The following MALRD1 variants were observed in gnomAD, a reference collection of about 807,000 sequenced individuals.
MALRD1 encodes MAM and LDL-receptor class A domain-containing protein 1.
A neutral mutation model predicts 242.1 loss-of-function variants in MALRD1; 247 were observed. The ratio of observed to expected loss-of-function variants is 1.02; its 90% confidence interval spans 0.92 to 1.13. The LOEUF (loss-of-function observed/expected upper bound fraction) is 1.13. MALRD1 is among the 50% of genes most tolerant of loss of function. MALRD1 has a pLI of 0.00. For synonymous variants in MALRD1, 995 were observed against 866.6 expected, an observed-to-expected ratio of 1.15 and a Z score of -2.60; for missense variants, 2,989 against 2,533.1, an observed-to-expected ratio of 1.18 and a Z score of -3.86.
intron 24 of MALRD1, among the ~76,000 whole-genome samples, chr10:19,339,397 A>G (rs1843741918): frequency 6.6e-6 from 1 of 152,136 alleles, no homozygotes; most frequent in Non-Finnish European, 1.5e-5. Flanking sequence ...CACGTTTTCA[A>G]CATTTTGCCC....
At position 19,162,813 on chromosome 10, in the gene MALRD1, T is replaced by C. The variant is rs564775754; in HGVS notation, c.1657-2824T>C. ...TCCACCCAGCAATCCCATTACTTGG[T>C]ACATATACCCACAGTACTAGAAATT... On this transcript the variant is annotated intron_variant, in intron 12 of 39. Transcript: ENST00000454679. Among the ~76,000 whole-genome samples the C allele has an allele frequency of 3.3e-4, 50 of 152,096 alleles. 1 individual carries two copies. The South Asian group carries it at 8.1e-3, about 25-fold the overall frequency.
rs546866806 is a variant in MALRD1, at chr10:19,314,234, C to T, written c.3420-9715C>T. On this transcript the variant is annotated intron_variant, in intron 21 of 39. Coordinates refer to ENST00000454679, the MANE Select transcript of MALRD1 (RefSeq NM_001142308.3). Reference sequence around the variant, plus strand: ...AGCTATGTAGTCAATGAATTGATATCTATAATGTTGAATGCATTGAAAAAA... The same window carrying T: ...AGCTATGTAGTCAATGAATTGATATTTATAATGTTGAATGCATTGAAAAAA... 1.2e-4 allele frequency among the ~76,000 whole-genome samples: 18 copies of T among 151,578 alleles called. No individual in the cohort carries two copies. In the South Asian group the frequency reaches 3.3e-3, roughly 28 times the overall value.
intron 12 of MALRD1, 127 bp downstream of exon 12, chr10:19,155,299 G>A (rs1020202381): frequency 4.6e-6 from 2 of 435,504 alleles, no homozygotes; most frequent in Admixed American, 4.4e-5. Context: ...AGATTTACAT[G>A]CGCTATTTCA....
chr10:19,530,335 A>AT (rs1564416811), intron 31 of MALRD1, among the ~76,000 whole-genome samples: 1 of 97,918 alleles, frequency 1.0e-5, no homozygotes, highest in African/African-American at 3.3e-5. Context: ...ATAAATATAT[A>AT]ATATTTATAT....
intron 1 of MALRD1, among the ~76,000 whole-genome samples, chr10:19,065,169 C>G (rs1275173092): frequency 6.6e-6 from 1 of 151,222 alleles, no homozygotes; most frequent in Non-Finnish European, 1.5e-5. Context: ...TGCCTGTAAT[C>G]CCAGCTACTT....
intron 26 of MALRD1, among the ~76,000 whole-genome samples, chr10:19,370,006 A>G (rs758983378): frequency 1.3e-5 from 2 of 152,112 alleles, no homozygotes; most frequent in African/African-American, 2.4e-5. Flanking sequence ...GAGATATTCT[A>G]CTATATTTTC....
At chr10:19,568,866 G>T (rs2131466264) in intron 33 of MALRD1, among the ~76,000 whole-genome samples, 1 of 152,074 alleles carries the variant, frequency 6.6e-6, no homozygotes, top group Admixed American at 6.5e-5. Context: ...AATTTGAATA[G>T]TATGTGCCAG....
chr10:19,055,856 G>C (rs924058034), intron 1 of MALRD1, among the ~76,000 whole-genome samples: 8 of 152,174 alleles, frequency 5.3e-5, no homozygotes, highest in Non-Finnish European at 1.2e-4. Context: ...GAAGGGAAGA[G>C]GGAGGTGGGT....
At chr10:19,082,659 A>G (rs1835531009) in intron 2 of MALRD1, among the ~76,000 whole-genome samples, 2 of 33,344 alleles carry the variant, frequency 6.0e-5, no homozygotes, top group Admixed American at 7.2e-4. Flanking sequence ...TCTCACTTTA[A>G]AAAAAAACCT....
intron 23 of MALRD1, among the ~76,000 whole-genome samples, chr10:19,328,424 T>G (rs1163317335): frequency 6.6e-6 from 1 of 152,132 alleles, no homozygotes; most frequent in Non-Finnish European, 1.5e-5. Flanking sequence ...TTCTTCTTAG[T>G]CTTAACTGCC....
intron 31 of MALRD1, among the ~76,000 whole-genome samples, chr10:19,502,490 A>G (rs1424830940): frequency 2.0e-5 from 3 of 152,134 alleles, no homozygotes; most frequent in South Asian, 2.1e-4. Context: ...CTTTTTGAAA[A>G]TATCAAAATT....
intron 11 of MALRD1, among the ~76,000 whole-genome samples, chr10:19,148,163 C>A (rs1350821383): frequency 1.3e-5 from 2 of 151,652 alleles, no homozygotes; most frequent in African/African-American, 4.8e-5. Flanking sequence ...CATGGATGTG[C>A]TGAAGAAATA....
Position 19,717,941 on chromosome 10 carries a change from C to T in MALRD1, c.6315-12765C>T, listed in dbSNP as rs539367822. On this transcript the variant is annotated intron_variant, in intron 38 of 39. Transcript: ENST00000454679. ...CTGAGACATGAGAATCATTTGGACC[C>T]AGGAGGTGGAGGCTGCAGTGAGCCA... Among the ~76,000 whole-genome samples the T allele has an allele frequency of 2.0e-5, 3 of 151,852 alleles. No homozygotes were observed. The South Asian group carries it at 6.2e-4, about 32-fold the overall frequency.
chr10:19,557,016 G>A (rs1480714281), intron 32 of MALRD1, among the ~76,000 whole-genome samples: 1 of 151,896 alleles, frequency 6.6e-6, no homozygotes. Context: ...TCCCATTTTT[G>A]TTTTAATTTG....
At chr10:19,389,421 GTTCT>G in intron 27 of MALRD1, 27 bp from the exon 28 acceptor site, 1 of 1,544,544 alleles carries the variant, frequency 6.5e-7, no homozygotes, top group Non-Finnish European at 8.8e-7. Context: ...TTGTTATTTC[GTTCT>G]TCTCTGAATT....
intron 28 of MALRD1, among the ~76,000 whole-genome samples, chr10:19,432,716 GC>G: frequency 6.6e-6 from 1 of 152,290 alleles, no homozygotes; most frequent in Admixed American, 6.5e-5. Flanking sequence ...TAAGAATGGA[GC>G]CCATTTTGAA....
intron 31 of MALRD1, among the ~76,000 whole-genome samples, chr10:19,509,900 A>T (rs535910065): frequency 6.6e-6 from 1 of 152,256 alleles, no homozygotes; most frequent in South Asian, 2.1e-4. Context: ...GACAAAGTAT[A>T]GAGAAAGAAA....
intron 36 of MALRD1, among the ~76,000 whole-genome samples, chr10:19,690,231 G>A (rs1179059733): frequency 6.6e-6 from 1 of 151,992 alleles, no homozygotes; most frequent in East Asian, 1.9e-4. Flanking sequence ...TTTTGAAACT[G>A]CTTTTGACCC....
chr10:19,167,552 G>T (rs1052057277), intron 13 of MALRD1, among the ~76,000 whole-genome samples: 1 of 152,124 alleles, frequency 6.6e-6, no homozygotes, highest in African/African-American at 2.4e-5. Flanking sequence ...GCTTTAGGAT[G>T]TAGAGTCACT....
Sources: allele counts gnomAD v4.1 joint callset (sites outside exome capture counted in the v4.1 genomes callset), GRCh38; gene constraint gnomAD v4.1.1; transcripts MANE v1.5; gene names NCBI Gene and HGNC (gene_info 2026-07-23, HGNC 2026-07-21).